Variants in CAPS2 observed in about 807,000 individuals in gnomAD.
CAPS2 encodes the protein calcyphosine 2, also known as calcyphosin-2.
A neutral mutation model predicts 86.5 loss-of-function variants in CAPS2; 98 were observed. The ratio of observed to expected loss-of-function variants is 1.13; its 90% CI spans 0.96 to 1.34. The LOEUF is 1.34. CAPS2 is among the 40% of genes most tolerant of loss of function. The pLI, the probability that CAPS2 is intolerant of heterozygous loss-of-function variation, is 0.00. For missense variants in CAPS2, 729 were observed against 686.8 expected (o/e 1.06, Z -0.69); for synonymous variants, 210 against 225.1 (o/e 0.93, Z 0.60).
chr12:75,326,517 CA>C, upstream of CAPS2: 1 of 1,473,514 alleles, frequency 6.8e-7, no homozygotes, highest in East Asian at 2.5e-5. Context: ...CTGTGTTTAT[CA>C]TGCAGTATAC....
rs970259313 is a variant in CAPS2, at chr12:75,370,178, G to A, written c.-395+20660C>T. 5.7e-6 allele frequency: 8 copies of A among 1,403,842 alleles called. No individual in the cohort carries two copies. The Admixed American group carries it at 6.7e-5, about 12-fold the overall frequency. The allele number at this position is 1,403,842 out of a possible 1,614,324, so 87.0% of individuals were successfully genotyped here. A position where few individuals can be genotyped will look rare whatever the true frequency, so the allele number is the denominator to read the frequency against. ...TTTCTTCTTCTGAGAATCTTTTAAT[G>A]TCATTTATATACAAAAGAAATTCTC... On this transcript the variant is annotated intron_variant, in intron 1 of 5. Transcript: ENST00000551829.
At chr12:75,322,777 T>C (rs1163626387) in intron 4 of CAPS2, among the ~76,000 whole-genome samples, 1 of 152,174 alleles carries the variant, frequency 6.6e-6, no homozygotes, top group Admixed American at 6.6e-5. Context: ...ATATGTGTAC[T>C]TTACCAATTT....
intron 7 of CAPS2, chr12:75,306,421 G>A: frequency 2.7e-6 from 1 of 364,232 alleles, no homozygotes; most frequent in Non-Finnish European, 5.2e-6. Context: ...GAAGGGTGGG[G>A]GTGGGTCACT....
At chr12:75,277,132 T>C (rs772959984), downstream of CAPS2, 3 of 983,264 alleles carry the variant, frequency 3.1e-6, no homozygotes, top group Non-Finnish European at 3.6e-6. Flanking sequence ...CACATGTGAA[T>C]GCTTATGTTA....
rs927808711 is a variant in CAPS2, at chr12:75,308,881, C to T, written c.659+3967G>A. On this transcript the variant is annotated intron_variant, in intron 7 of 16. Coordinates refer to ENST00000393284, the Ensembl canonical transcript of CAPS2. Reference sequence around the variant, plus strand: ...TCACACCACTACACTCCAGCCTGGGCGACAGAGCGAGACTCGGTCTCAAAA... The same window carrying T: ...TCACACCACTACACTCCAGCCTGGGTGACAGAGCGAGACTCGGTCTCAAAA... 4.8e-5 allele frequency among the ~76,000 whole-genome samples: 6 copies of T among 123,834 alleles called. No homozygotes were observed. The Admixed American group carries it at 5.2e-4, about 11-fold the overall frequency. The allele number at this position is 123,834 out of a possible 152,430, so 81.2% of individuals were successfully genotyped here.
upstream of CAPS2, chr12:75,334,419 T>C (rs2041561120): frequency 8.9e-7 from 1 of 1,122,776 alleles, no homozygotes; most frequent in Admixed American, 4.3e-5. Context: ...CAATCTGTAT[T>C]ACAATCCAGA....
At chr12:75,329,849 G>T (rs560523453), upstream of CAPS2, 31 of 1,544,670 alleles carry the variant, frequency 2.0e-5, no homozygotes, top group South Asian at 2.9e-4. Flanking sequence ...GTAGCAGAAG[G>T]AATTCCCCAT....
upstream of CAPS2, among the ~76,000 whole-genome samples, chr12:75,327,339 A>G (rs7954879): frequency 0.32 from 48,203 of 152,094 alleles, 8,499 homozygotes; most frequent in East Asian, 0.45. Context: ...AAAATGGAGT[A>G]AATGGTCCAA....
At chr12:75,314,318 A>G (rs1476742056) in intron 6 of CAPS2, among the ~76,000 whole-genome samples, 2 of 152,174 alleles carry the variant, frequency 1.3e-5, no homozygotes, top group Non-Finnish European at 2.9e-5. Flanking sequence ...AGCCTATATT[A>G]TAGGCTACAT....
intron 1 of CAPS2, among the ~76,000 whole-genome samples, chr12:75,349,054 A>G (rs982835463): frequency 3.3e-5 from 5 of 152,046 alleles, no homozygotes; most frequent in African/African-American, 1.2e-4. Flanking sequence ...AAAGAGTACC[A>G]GAGAAAAGAG....
upstream of CAPS2, chr12:75,326,652 C>G (rs1348261319): frequency 3.5e-6 from 2 of 567,916 alleles, no homozygotes; most frequent in Non-Finnish European, 6.3e-6. Flanking sequence ...AGTGCTTTTA[C>G]CAATATCAAC....
intron 6 of CAPS2, among the ~76,000 whole-genome samples, chr12:75,315,588 CAAT>C (rs2138880118): frequency 6.6e-6 from 1 of 152,260 alleles, no homozygotes; most frequent in Admixed American, 6.5e-5. Context: ...AATTGCCACT[CAAT>C]GATAATAGTA....
rs572105448 is a variant in CAPS2, at chr12:75,292,207, C to T, written c.1164-387G>A. Among the ~76,000 whole-genome samples the T allele has an allele frequency of 1.1e-4, 17 of 152,150 alleles. No homozygotes were observed. The South Asian group carries it at 3.3e-3, about 30-fold the overall frequency. Reference sequence around the variant, plus strand: ...TTAGCCTTGTGAGTAGCTGGGACTACAGGCACCTGCCACCACGCCCAGCTA... The same window carrying T: ...TTAGCCTTGTGAGTAGCTGGGACTATAGGCACCTGCCACCACGCCCAGCTA... On this transcript the variant is annotated intron_variant, in intron 12 of 16. Transcript: ENST00000393284.
intron 1 of CAPS2, 128 bp downstream of exon 2, chr12:75,326,290 T>G: frequency 2.3e-6 from 1 of 432,788 alleles, no homozygotes; most frequent in Non-Finnish European, 4.1e-6. Context: ...GGTGGTTCCA[T>G]TCTTCAAATC....
chr12:75,276,979 A>T (rs887748053), downstream of CAPS2: 1 of 984,640 alleles, frequency 1.0e-6, no homozygotes, highest in Non-Finnish European at 1.2e-6. Context: ...TTTAACACTA[A>T]ATAACAGATT....
chr12:75,283,390 T>C (rs1019040127), intron 15 of CAPS2, among the ~76,000 whole-genome samples: 5 of 152,204 alleles, frequency 3.3e-5, no homozygotes, highest in African/African-American at 9.6e-5. Flanking sequence ...AAAATTCATA[T>C]GTTGAACCTA....
At chr12:75,326,963 G>C (rs1476429684), upstream of CAPS2, among the ~76,000 whole-genome samples, 1 of 152,140 alleles carries the variant, frequency 6.6e-6, no homozygotes, top group East Asian at 1.9e-4. Flanking sequence ...TGGTTCTGAA[G>C]ATGGAGGAAG....
rs575341805 is a variant in CAPS2 at position 75,388,696 on chromosome 12, T to C, written c.-395+2142A>G. Among the ~76,000 whole-genome samples the C allele has an allele frequency of 7.9e-5, 12 of 152,298 alleles. No individual in the cohort carries two copies. The South Asian group carries it at 1.5e-3, about 18-fold the overall frequency. On this transcript the variant is annotated intron_variant, in intron 1 of 5. Transcript: ENST00000551829. Reference sequence around the variant, plus strand: ...TTTTAGGCAGCAAAACGACTCTATATGGTACTAAATGCTGGAAACATGTCA... The same window carrying C: ...TTTTAGGCAGCAAAACGACTCTATACGGTACTAAATGCTGGAAACATGTCA...
At chr12:75,316,202 C>A in intron 6 of CAPS2, 110 bp downstream of exon 6, 8 of 1,314,080 alleles carry the variant, frequency 6.1e-6, no homozygotes, top group South Asian at 1.5e-5. Context: ...GAATATTCAC[C>A]CGAGTTCAAA....
Sources: gnomAD v4.1 joint callset for allele counts (sites outside exome capture counted in the v4.1 genomes callset) on GRCh38, gnomAD v4.1.1 for gene constraint, MANE v1.5 for transcripts, NCBI Gene and HGNC (gene_info 2026-07-23, HGNC 2026-07-21) for gene names.